The following ANKRD35 variants were observed in gnomAD, a reference collection of about 807,000 sequenced individuals.
ANKRD35 encodes ankyrin repeat domain-containing protein 35.
ANKRD35 carries 102 observed loss-of-function variants against 109.9 expected under a neutral mutation model. The observed-to-expected ratio is 0.93, with a 90% CI of 0.79 to 1.09. The LOEUF (loss-of-function observed/expected upper bound fraction) is 1.09. Ranked by LOEUF, ANKRD35 falls within the 50% of genes least tolerant of loss-of-function variation. The pLI is 0.00. For missense variants in ANKRD35, 1,240 were observed against 1,230.1 expected (o/e 1.01, Z -0.12); for synonymous variants, 515 against 512.4 (o/e 1.01, Z -0.07).
rs146166584 is a variant in ANKRD35, at chr1:145,872,578, C to T, written c.2191G>A (p.Ala731Thr). 2.2e-3 allele frequency: 3,516 copies of T among 1,611,914 alleles called. 14 individuals are homozygous for T. The highest frequency in any genetic ancestry group is 1.9e-3 in the Non-Finnish European group (2,220 of 1,178,984). ...KAAESLEELR[A>T]CISTLVDRHR... The stretch of plus-strand genomic sequence containing the variant: ...CGATCCACCAGGGTGCTGATGCAGG[C>T]CCGCAGCTCCTCCAGGGACTCCGCT... Residue 731 changes from alanine to threonine, a missense_variant, in exon 10 of 14, where the codon GCC (alanine) becomes ACC (threonine). Transcript: ENST00000355594.
intron 1 of ANKRD35, 104 bp downstream of exon 1, chr1:145,885,616 C>T (rs1654447243): frequency 7.5e-7 from 1 of 1,335,998 alleles, no homozygotes. Context: ...GCTAGAAAGA[C>T]TGATAAAAAG....
At chr1:145,879,506 CA>C in intron 1 of ANKRD35, 118 bp from the exon 2 acceptor site, 1 of 1,169,816 alleles carries the variant, frequency 8.5e-7, no homozygotes, top group Non-Finnish European at 1.1e-6. Context: ...TTCTCTTCCA[CA>C]AGTCACACAT....
chr1:145,871,148 T>C (rs1331860761), intron 10 of ANKRD35, among the ~76,000 whole-genome samples: 1 of 87,970 alleles, frequency 1.1e-5, no homozygotes, highest in African/African-American at 4.3e-5. Context: ...TTTCTTTTCT[T>C]TTTTCTTTTT....
intron 1 of ANKRD35, among the ~76,000 whole-genome samples, chr1:145,884,510 C>T (rs1480052228): frequency 6.6e-6 from 1 of 152,176 alleles, no homozygotes; most frequent in Non-Finnish European, 1.5e-5. Context: ...GGCTAATTTG[C>T]TTCTAAATTA....
Position 145,872,771 on chromosome 1 carries a change from T to C in ANKRD35, c.1998A>G (p.Leu666=), listed in dbSNP as rs782732151. Residue 666 remains leucine (L), a synonymous_variant, in exon 10 of 14, where the codon CTA becomes CTG. Transcript: ENST00000355594. ...FVPKPQAQVQ[L]QQLRQSVGLL... is the part of the protein sequence containing the mutation. ...GCCCCACACTCTGTCGCAACTGCTG[T>C]AGCTGGACCTGCGCCTGTGGCTTGG... 1.9e-6 allele frequency: 3 copies of C among 1,614,126 alleles called. No homozygotes were observed. In the East Asian group the frequency reaches 6.7e-5, roughly 36 times the overall value.
At chr1:145,883,970 G>A (rs1553741518) in intron 1 of ANKRD35, among the ~76,000 whole-genome samples, 3 of 152,126 alleles carry the variant, frequency 2.0e-5, no homozygotes, top group African/African-American at 7.2e-5. Context: ...AGAATGGGTG[G>A]TCATTCTTTA....
chr1:145,884,851 G>C (rs940180620), intron 1 of ANKRD35, among the ~76,000 whole-genome samples: 82 of 152,320 alleles, frequency 5.4e-4, no homozygotes, highest in African/African-American at 1.9e-3. Context: ...CCAAGAACCA[G>C]TCTGATGATC....
chr1:145,876,786 G>A, intron 5 of ANKRD35, 30 bp downstream of exon 5: 1 of 1,613,890 alleles, frequency 6.2e-7, no homozygotes, highest in East Asian at 2.2e-5. Flanking sequence ...AGTCTCTGCA[G>A]CCCTGTTCCC....
In ANKRD35 at chr1:145,873,051, G is replaced by C. The variant is rs1553739209; in HGVS notation, c.1718C>G (p.Ala573Gly). 1.2e-6 allele frequency: 2 copies of C among 1,611,252 alleles called. No individual in the cohort carries two copies. The highest frequency in any genetic ancestry group is 1.7e-6 in the Non-Finnish European group (2 of 1,178,702). Reference protein sequence around the residue: ...SQESREGALKAAPGSIKQDEE... With the variant: ...SQESREGALKGAPGSIKQDEE... ...ATCCTGTTTGATGCTCCCTGGGGCT[G>C]CCTTTAGGGCTCCCTCTCTGGACTC... The change falls in exon 10 of 14, where the codon GCA (alanine) becomes GGA (glycine). Residue 573 changes from alanine to glycine, a missense_variant. Physicochemically the swap from Ala to Gly is moderately conservative, Grantham distance 60 (BLOSUM62 0). Coordinates refer to ENST00000355594, the MANE Select transcript of ANKRD35 (RefSeq NM_144698.5).
chr1:145,868,085 A>G, intron 11 of ANKRD35, 29 bp from the exon 12 acceptor site: 1 of 1,609,444 alleles, frequency 6.2e-7, no homozygotes, highest in Non-Finnish European at 8.5e-7. Context: ...GGGAAGTCAC[A>G]TGTCCACCCT....
At chr1:145,874,024 C>A in intron 9 of ANKRD35, 39 bp from the exon 10 acceptor site, 1 of 1,612,010 alleles carries the variant, frequency 6.2e-7, no homozygotes, top group South Asian at 1.1e-5. Flanking sequence ...GGCCACTAGG[C>A]AACGAACTGA....
intron 3 of ANKRD35, 37 bp downstream of exon 3, chr1:145,878,354 A>G: frequency 6.5e-7 from 1 of 1,544,498 alleles, no homozygotes; most frequent in Non-Finnish European, 8.8e-7. Context: ...TACCAGGGGC[A>G]AGCAAGCAGC....
chr1:145,876,351 C>A, intron 6 of ANKRD35, 105 bp from the exon 7 acceptor site: 1 of 1,254,712 alleles, frequency 8.0e-7, no homozygotes, highest in Non-Finnish European at 1.1e-6. Flanking sequence ...AAATAAAAGC[C>A]CAGATCTTGG....
At position 145,878,482 on chromosome 1, in the gene ANKRD35, G is replaced by A; in HGVS notation, c.171-3C>T. The A allele has an allele frequency of 1.9e-6, 3 of 1,564,428 alleles. No homozygotes were observed. The highest frequency in any genetic ancestry group is 2.6e-6 in the Non-Finnish European group (3 of 1,153,428). On this transcript the variant is annotated splice_polypyrimidine_tract_variant and splice_region_variant and intron_variant, in intron 2 of 13. Transcript: ENST00000355594. ...CTTTGGAGGCTGCCAGATGAAACCT[G>A]CCAGAATCAAGGCCGAGAGGCCAAA...
chr1:145,871,153 CTTTTTT>C (rs59433424), intron 10 of ANKRD35, among the ~76,000 whole-genome samples: 1,259 of 77,240 alleles, frequency 0.016, 2 homozygotes, highest in African/African-American at 0.055. Context: ...TTTCTTTTTT[CTTTTTT>C]TTTTTTTTTT....
chr1:145,879,359 C>T lies in ANKRD35; in HGVS notation c.69G>A (p.Lys23=), dbSNP rs2101715449. The T allele has an allele frequency of 6.3e-7, 1 of 1,598,542 alleles. No homozygotes were observed. ...CCCCCCTGTGCACTGCCTCCAGCAG[C>T]TTCTGATCATGGCGGTTCCATCTCT... ...AVERWNRHDQ[K]LLEAVHRGDV... is the part of the protein sequence containing the mutation. The change falls in exon 2 of 14, where the codon AAG becomes AAA. Residue 23 remains lysine (K), a synonymous_variant. Transcript: ENST00000355594.
At position 145,873,075 on chromosome 1, in the gene ANKRD35, T is replaced by C; in HGVS notation, c.1694A>G (p.Glu565Gly). Residue 565 changes from glutamate (E) to glycine (G), a missense_variant, in exon 10 of 14, where the codon GAG becomes GGG. Coordinates refer to ENST00000355594, the MANE Select transcript of ANKRD35 (RefSeq NM_144698.5). The part of the protein sequence containing the change: ...LQVKPEVPSQ[E>G]SREGALKAAP... Reference sequence around the variant, plus strand: ...TGCCTTTAGGGCTCCCTCTCTGGACTCCTGGGAAGGAACCTCAGGTTTCAC... The same window carrying C: ...TGCCTTTAGGGCTCCCTCTCTGGACCCCTGGGAAGGAACCTCAGGTTTCAC... 6.2e-7 allele frequency: 1 copy of C among 1,612,496 alleles called. No homozygotes were observed. Among genetic ancestry groups the C allele is most frequent in the Non-Finnish European group, 8.5e-7 (1 of 1,179,232 alleles).
At chr1:145,870,090 A>T (rs977159889) in intron 10 of ANKRD35, among the ~76,000 whole-genome samples, 10 of 138,628 alleles carry the variant, frequency 7.2e-5, no homozygotes, top group South Asian at 4.6e-4. Flanking sequence ...AGAGTTCCAA[A>T]TTTTTTTTTT....
intron 1 of ANKRD35, among the ~76,000 whole-genome samples, chr1:145,879,843 G>A (rs911855506): frequency 6.7e-6 from 1 of 150,086 alleles, no homozygotes; most frequent in African/African-American, 2.5e-5. Context: ...CTGCTGCTCT[G>A]CTTTTTGTTG....
Sources: allele counts gnomAD v4.1 joint callset (sites outside exome capture counted in the v4.1 genomes callset), GRCh38; gene constraint gnomAD v4.1.1; transcripts MANE v1.5; gene names NCBI Gene and HGNC (gene_info 2026-07-23, HGNC 2026-07-21).